Variants in SPOCK1 observed in about 807,000 individuals in gnomAD.
SPOCK1 encodes SPARC (osteonectin), cwcv and kazal like domains proteoglycan 1.
Under a neutral mutation model 55.3 loss-of-function variants are expected in SPOCK1, and 23 were observed. That is an observed-to-expected ratio of 0.42 (90% CI 0.30 to 0.59). The LOEUF (loss-of-function observed/expected upper bound fraction) is 0.59, where lower values mean the gene tolerates loss of function less well. SPOCK1 is among the 20% of genes least tolerant of loss of function. The pLI, the probability that SPOCK1 is intolerant of heterozygous loss-of-function variation, is 0.22. For synonymous variants in SPOCK1, 226 were observed against 221.0 expected, an observed-to-expected ratio of 1.02 and a Z score of -0.20; for missense variants, 499 against 552.5, an observed-to-expected ratio of 0.90 and a Z score of 0.97.
rs76601498 is a variant in SPOCK1 at position 137,069,514 on chromosome 5, C to T, written c.475-1685G>A. ...TGTGACTATGAGGTGAGGCAGGACA[C>T]ATGTCTCCATAGGGATGGGGCACGA... On this transcript the variant is annotated intron_variant, in intron 5 of 10. Coordinates refer to ENST00000394945, the MANE Select transcript of SPOCK1 (RefSeq NM_004598.4). Among the ~76,000 whole-genome samples, 1,085 of 152,338 alleles carry T rather than the reference C, an allele frequency of 7.1e-3. 13 individuals carry two copies. Among genetic ancestry groups the T allele is most frequent in the Middle Eastern group, 0.031 (9 of 294 alleles).
At chr5:137,326,279 C>CAAA (rs34897652) in intron 2 of SPOCK1, among the ~76,000 whole-genome samples, 3 of 140,676 alleles carry the variant, frequency 2.1e-5, no homozygotes, top group African/African-American at 5.2e-5. Flanking sequence ...CTTCTGCATC[C>CAAA]AAAAAAAAAA....
At chr5:137,454,197 T>A (rs1753317664) in intron 2 of SPOCK1, among the ~76,000 whole-genome samples, 1 of 152,146 alleles carries the variant, frequency 6.6e-6, no homozygotes, top group Non-Finnish European at 1.5e-5. Flanking sequence ...AGGTGGCTCA[T>A]CTAACTAGCA....
At chr5:137,438,301 T>C (rs1580927375) in intron 2 of SPOCK1, among the ~76,000 whole-genome samples, 2 of 151,940 alleles carry the variant, frequency 1.3e-5, no homozygotes, top group Admixed American at 1.3e-4. Flanking sequence ...TCAAGATATA[T>C]TTGGATTAAT....
chr5:137,004,435 G>C (rs1751206024), intron 6 of SPOCK1, among the ~76,000 whole-genome samples: 1 of 152,100 alleles, frequency 6.6e-6, no homozygotes, highest in South Asian at 2.1e-4. Context: ...CTTCTCCTGA[G>C]GGCATGATTA....
chr5:137,120,721 G>A (rs546173434), intron 4 of SPOCK1, among the ~76,000 whole-genome samples: 3 of 152,230 alleles, frequency 2.0e-5, no homozygotes, highest in African/African-American at 7.2e-5. Context: ...ATTCTCTTGC[G>A]ACCATGTATC....
chr5:136,985,713 C>G (rs1428931338), intron 8 of SPOCK1, among the ~76,000 whole-genome samples: 1 of 152,164 alleles, frequency 6.6e-6, no homozygotes, highest in African/African-American at 2.4e-5. Flanking sequence ...CAGAAGAGAT[C>G]TGGAGAAGCA....
intron 3 of SPOCK1, among the ~76,000 whole-genome samples, chr5:137,239,931 A>G (rs1191953713): frequency 2.0e-5 from 3 of 152,338 alleles, no homozygotes; most frequent in South Asian, 2.1e-4. Context: ...TAAAAAAACT[A>G]TAATAAACCC....
chr5:137,035,543 G>A (rs1396498754), intron 6 of SPOCK1, among the ~76,000 whole-genome samples: 3 of 152,184 alleles, frequency 2.0e-5, no homozygotes, highest in African/African-American at 7.2e-5. Context: ...GCTCACCTGG[G>A]GCTGCTGGCT....
chr5:137,332,862 T>A (rs1434955640), intron 2 of SPOCK1, among the ~76,000 whole-genome samples: 1 of 152,178 alleles, frequency 6.6e-6, no homozygotes, highest in African/African-American at 2.4e-5. Context: ...ATAGGCTAAG[T>A]GCAAAGTGAG....
chr5:137,044,513 G>A (rs1752067818), intron 6 of SPOCK1, among the ~76,000 whole-genome samples: 2 of 152,126 alleles, frequency 1.3e-5, no homozygotes, highest in African/African-American at 4.8e-5. Flanking sequence ...ATTTTAAAAG[G>A]CGTATTTTTT....
In SPOCK1 at chr5:137,381,661, A is replaced by G. The variant is rs12514533; in HGVS notation, c.187-114606T>C. On this transcript the variant is annotated intron_variant, in intron 2 of 10. Transcript: ENST00000394945. ...CTTGGTCCCTTTTAGCCATGGCCAG[A>G]GCTGGAGTGGCTGGGATGTAGGGCG... Among the ~76,000 whole-genome samples the G allele has an allele frequency of 5.1e-3, 776 of 152,306 alleles. 33 individuals carry two copies. In the East Asian group the frequency reaches 0.088, roughly 17 times the overall value.
rs151023913 is a variant in SPOCK1, at chr5:136,980,793, T to C, written c.992-1324A>G. On this transcript the variant is annotated intron_variant, in intron 9 of 10. Transcript: ENST00000394945. ...TCTGCATTGTTTCTTTTGAAGTTCC[T>C]AATTCATAAAATGATTCAGATATGC... 5.3e-4 allele frequency among the ~76,000 whole-genome samples: 80 copies of C among 152,342 alleles called. 1 individual carries two copies. The East Asian group carries it at 0.014, about 28-fold the overall frequency.
At position 137,368,225 on chromosome 5, in the gene SPOCK1, T is replaced by C. The variant is rs1026679955; in HGVS notation, c.187-101170A>G. On this transcript the variant is annotated intron_variant, in intron 2 of 10. Transcript: ENST00000394945. ...GAGCTGGGAGAGTTGTTTCCAGGCA[T>C]GAACATATGAAAAAACAGCCAGGGA... Among the ~76,000 whole-genome samples the C allele has an allele frequency of 2.0e-5, 3 of 152,238 alleles. No homozygotes were observed. The East Asian group carries it at 5.8e-4, about 29-fold the overall frequency.
In SPOCK1 at chr5:137,083,790, T is replaced by C. The variant is rs1387108834; in HGVS notation, c.475-15961A>G. ...CCCAGCCTATGGAGGGAATGGGCAT[T>C]CCTAAAGCCTTGAGCTTGGGGAAGT... is the stretch of plus-strand genomic sequence containing the variant. On this transcript the variant is annotated intron_variant, in intron 5 of 10. Transcript: ENST00000394945. 2.0e-5 allele frequency among the ~76,000 whole-genome samples: 3 copies of C among 151,994 alleles called. No homozygotes were observed. The East Asian group carries it at 5.8e-4, about 29-fold the overall frequency.
At chr5:136,980,709 T>G (rs926101780) in intron 9 of SPOCK1, among the ~76,000 whole-genome samples, 31 of 152,220 alleles carry the variant, frequency 2.0e-4, no homozygotes, top group Admixed American at 4.6e-4. Context: ...TATTTCTTCA[T>G]AGCAGTGTGA....
chr5:137,493,477 G>A (rs1215253188), intron 2 of SPOCK1, among the ~76,000 whole-genome samples: 1 of 152,158 alleles, frequency 6.6e-6, no homozygotes, highest in African/African-American at 2.4e-5. Flanking sequence ...AGGCCAACTG[G>A]GGCAAGGAGC....
At chr5:137,040,030 C>T (rs779932516) in intron 6 of SPOCK1, among the ~76,000 whole-genome samples, 4 of 152,332 alleles carry the variant, frequency 2.6e-5, no homozygotes, top group South Asian at 2.1e-4. Flanking sequence ...AAGGTTAATG[C>T]GGAGCTGTCA....
chr5:137,271,655 A>G (rs1013631479), intron 2 of SPOCK1, among the ~76,000 whole-genome samples: 3 of 152,156 alleles, frequency 2.0e-5, no homozygotes, highest in African/African-American at 7.2e-5. Flanking sequence ...ATTTAGCTCA[A>G]ATATTCACCA....
At chr5:137,484,561 T>A (rs574570218) in intron 2 of SPOCK1, among the ~76,000 whole-genome samples, 1 of 152,206 alleles carries the variant, frequency 6.6e-6, no homozygotes, top group African/African-American at 2.4e-5. Flanking sequence ...CTGATACCCG[T>A]GGCTGGAAAA....
Sources: gnomAD v4.1 joint callset for allele counts (sites outside exome capture counted in the v4.1 genomes callset) on GRCh38, gnomAD v4.1.1 for gene constraint, MANE v1.5 for transcripts, NCBI Gene and HGNC (gene_info 2026-07-23, HGNC 2026-07-21) for gene names.